STARD13: variants seen among roughly 807,000 people sequenced by gnomAD.
STARD13 encodes the protein stAR-related lipid transfer protein 13.
In STARD13, 62 loss-of-function variants were observed where a neutral mutation model predicts 106.4. The observed-to-expected ratio is 0.58, with a 90% CI of 0.48 to 0.72. The LOEUF (loss-of-function observed/expected upper bound fraction) is 0.72, where lower values mean the gene tolerates loss of function less well. STARD13 is among the 30% of genes least tolerant of loss of function. STARD13 has a pLI of 0.00. For synonymous variants in STARD13, 565 were observed against 553.0 expected (o/e 1.02, Z -0.31); for missense variants, 1,387 against 1,424.0 (o/e 0.97, Z 0.42).
chr13:33,510,008 G>T, the STARD13 span, among the ~76,000 whole-genome samples: 27 of 152,280 alleles, frequency 1.8e-4, no homozygotes, highest in Middle Eastern at 3.4e-3. Flanking sequence ...GAGAGTCCTT[G>T]CTCTCTTTGC....
At chr13:33,642,299 T>C in the STARD13 span, among the ~76,000 whole-genome samples, 1 of 151,936 alleles carries the variant, frequency 6.6e-6, no homozygotes, top group African/African-American at 2.4e-5. Context: ...GTGAGGGAGG[T>C]GTGATCAGCA....
In STARD13 at chr13:33,214,661, CAAACACACACATGCAGAT is replaced by C. The variant is rs1887919659; in HGVS notation, c.170-47057_170-47040del. On this transcript the variant is annotated intron_variant, in intron 1 of 13. Transcript: ENST00000336934. ...ATTTTCTTTTCCATCACCTTACACACAAACACACACATGCAGATACACACACACATGCACACATACACA... is the reference window on the plus strand; with the variant it reads ...ATTTTCTTTTCCATCACCTTACACACACACACACACATGCACACATACACA... 4.6e-5 allele frequency among the ~76,000 whole-genome samples: 7 copies of C among 150,554 alleles called. No individual in the cohort carries two copies. In the South Asian group the frequency reaches 1.3e-3, roughly 27 times the overall value.
chr13:33,177,213 CA>C (rs1376020337), intron 1 of STARD13, among the ~76,000 whole-genome samples: 1 of 152,108 alleles, frequency 6.6e-6, no homozygotes, highest in Non-Finnish European at 1.5e-5. Flanking sequence ...TCACTGAATT[CA>C]GGTATAAAAA....
the STARD13 span, among the ~76,000 whole-genome samples, chr13:33,437,907 G>A: frequency 3.6e-4 from 55 of 152,228 alleles, 1 homozygote; most frequent in East Asian, 3.9e-4. Flanking sequence ...TGACAGAGTG[G>A]TTAAACAGCG....
At chr13:33,479,869 C>G in the STARD13 span, among the ~76,000 whole-genome samples, 1 of 152,160 alleles carries the variant, frequency 6.6e-6, no homozygotes, top group African/African-American at 2.4e-5. Flanking sequence ...CCCCCTTCTC[C>G]TTCTGCCATG....
In STARD13 at chr13:33,165,401, T is replaced by C. The variant is rs761001468; in HGVS notation, c.259A>G (p.Asn87Asp). 1.9e-6 allele frequency: 3 copies of C among 1,613,590 alleles called. No individual in the cohort carries two copies. The highest frequency in any genetic ancestry group is 2.5e-6 in the Non-Finnish European group (3 of 1,179,540). The change falls in exon 3 of 14, where the codon AAC becomes GAC. Residue 87 changes from asparagine to aspartate, a missense_variant. Transcript: ENST00000336934. ...QLYEDSQFPI[N>D]IVAVKNDHDF... is the part of the protein sequence containing the mutation. Reference sequence around the variant, plus strand: ...TGATCATTCTTGACAGCCACAATGTTGATGGGAAATTGTGAATCTGAGAGA... The same window carrying C: ...TGATCATTCTTGACAGCCACAATGTCGATGGGAAATTGTGAATCTGAGAGA...
intron 3 of STARD13, chr13:33,155,748 C>T (rs1881874223): frequency 6.6e-6 from 1 of 152,156 alleles, no homozygotes; most frequent in African/African-American, 2.4e-5. Context: ...AAGCCTGTCC[C>T]CAAACTCTAT....
the STARD13 span, among the ~76,000 whole-genome samples, chr13:33,570,301 T>C: frequency 1.3e-3 from 188 of 147,982 alleles, 19 homozygotes; most frequent in East Asian, 0.031. Context: ...GGGGATTTGA[T>C]TTTTCTATCC....
At chr13:33,454,693 G>C in the STARD13 span, among the ~76,000 whole-genome samples, 2 of 152,154 alleles carry the variant, frequency 1.3e-5, no homozygotes, top group Non-Finnish European at 2.9e-5. Context: ...TAAGAATATA[G>C]AGCTCCTGTT....
At chr13:33,141,300 C>A (rs2005641) in intron 4 of STARD13, among the ~76,000 whole-genome samples, 54,065 of 152,080 alleles carry the variant, frequency 0.36, 10,142 homozygotes, top group Non-Finnish European at 0.43. Flanking sequence ...GCTGCAAGAT[C>A]GTGGGCAATG....
the STARD13 span, among the ~76,000 whole-genome samples, chr13:33,403,601 G>A: frequency 6.6e-6 from 1 of 152,140 alleles, no homozygotes. Context: ...TAAATACTTT[G>A]TAATAAATTT....
the STARD13 span, among the ~76,000 whole-genome samples, chr13:33,445,245 T>TA: frequency 6.6e-6 from 1 of 152,172 alleles, no homozygotes; most frequent in Non-Finnish European, 1.5e-5. Flanking sequence ...AAGCAGTAGA[T>TA]AAAAATCCCA....
At chr13:33,108,779 T>C (rs1402545204) in intron 12 of STARD13, among the ~76,000 whole-genome samples, 1 of 152,204 alleles carries the variant, frequency 6.6e-6, no homozygotes, top group Non-Finnish European at 1.5e-5. Context: ...CATGGCCCCA[T>C]TCCTATGGCA....
the STARD13 span, among the ~76,000 whole-genome samples, chr13:33,360,232 TCTCA>T: frequency 1.1e-3 from 162 of 151,508 alleles, no homozygotes; most frequent in African/African-American, 3.7e-3. Flanking sequence ...TGAGACGGAG[TCTCA>T]CTCTGTCGCC....
the STARD13 span, among the ~76,000 whole-genome samples, chr13:33,569,701 A>G: frequency 2.0e-5 from 3 of 148,068 alleles, no homozygotes; most frequent in South Asian, 2.1e-4. Flanking sequence ...ATTAACTTCA[A>G]TCGTAATTGA....
At chr13:33,478,707 G>A in the STARD13 span, among the ~76,000 whole-genome samples, 6 of 152,184 alleles carry the variant, frequency 3.9e-5, no homozygotes, top group African/African-American at 1.4e-4. Flanking sequence ...CTTGAGCCCA[G>A]GTGTTTGAGA....
the STARD13 span, among the ~76,000 whole-genome samples, chr13:33,618,909 G>A: frequency 1.3e-5 from 2 of 151,980 alleles, no homozygotes; most frequent in Non-Finnish European, 2.9e-5. Context: ...GTTCTGAGGA[G>A]AGCTGGGACC....
At chr13:33,143,869 A>G (rs1196631735) in intron 3 of STARD13, among the ~76,000 whole-genome samples, 1 of 152,164 alleles carries the variant, frequency 6.6e-6, no homozygotes, top group African/African-American at 2.4e-5. Flanking sequence ...GTTTTGACCA[A>G]TGAATTTCTA....
At chr13:33,659,181 C>T in the STARD13 span, among the ~76,000 whole-genome samples, 1 of 150,630 alleles carries the variant, frequency 6.6e-6, no homozygotes, top group Non-Finnish European at 1.5e-5. Flanking sequence ...CAATTTATAG[C>T]CTGTTGGTCA....
Sources: gnomAD v4.1 joint callset for allele counts (sites outside exome capture counted in the v4.1 genomes callset) on GRCh38, gnomAD v4.1.1 for gene constraint, MANE v1.5 for transcripts, NCBI Gene and HGNC (gene_info 2026-07-23, HGNC 2026-07-21) for gene names.